The following ARHGEF28 variants were observed in gnomAD, a reference collection of about 807,000 sequenced individuals.
ARHGEF28 encodes 190 kDa guanine nucleotide exchange factor.
ARHGEF28 carries 152 observed loss-of-function variants against 206.6 expected under a neutral mutation model. That is an observed-to-expected ratio of 0.74 (90% confidence interval 0.64 to 0.84). The LOEUF is 0.84. Ranked by LOEUF, ARHGEF28 falls within the 40% of genes least tolerant of loss-of-function variation. The probability of loss-of-function intolerance (pLI) is 0.00; values close to 1 mark genes in which losing one functional copy is unlikely to be tolerated. For missense variants in ARHGEF28, 2,028 were observed against 2,073.2 expected (o/e 0.98, Z 0.42); for synonymous variants, 763 against 776.4 (o/e 0.98, Z 0.29).
intron 1 of ARHGEF28, among the ~76,000 whole-genome samples, chr5:73,669,470 T>C (rs1359189209): frequency 3.3e-5 from 5 of 152,332 alleles, no homozygotes; most frequent in African/African-American, 1.2e-4. Flanking sequence ...TAAAACTATA[T>C]TCAGACTTCT....
chr5:73,841,712 G>GAAAAAAAAAAAAAAAAGAA (rs1757999811), intron 11 of ARHGEF28, among the ~76,000 whole-genome samples: 1 of 110,830 alleles, frequency 9.0e-6, no homozygotes, highest in Non-Finnish European at 1.8e-5. Flanking sequence ...TCAAAAAGAA[G>GAAAAAAAAAAAAAAAAGAA]AAAAAAAAAA....
intron 5 of ARHGEF28, among the ~76,000 whole-genome samples, chr5:73,774,353 A>T (rs1024535366): frequency 3.9e-5 from 6 of 152,346 alleles, no homozygotes; most frequent in Non-Finnish European, 7.3e-5. Flanking sequence ...GATTATGATT[A>T]ATTCAGAATG....
At chr5:73,783,598 G>A (rs1413565723) in intron 7 of ARHGEF28, among the ~76,000 whole-genome samples, 2 of 152,110 alleles carry the variant, frequency 1.3e-5, no homozygotes, top group Admixed American at 6.6e-5. Context: ...TGAAAGCAAC[G>A]CAGAAGAGAA....
intron 1 of ARHGEF28, among the ~76,000 whole-genome samples, chr5:73,679,548 C>T (rs1746933993): frequency 7.4e-6 from 1 of 134,446 alleles, no homozygotes; most frequent in African/African-American, 2.8e-5. Flanking sequence ...GCCTGGGCCA[C>T]AGAGCGAGAC....
At chr5:73,801,133 GA>G (rs112502320) in intron 9 of ARHGEF28, among the ~76,000 whole-genome samples, 15 of 152,320 alleles carry the variant, frequency 9.8e-5, no homozygotes, top group African/African-American at 3.6e-4. Flanking sequence ...CTGTGGAAAA[GA>G]ACGTTTTGAG....
chr5:73,896,447 A>T (rs1761965310), intron 29 of ARHGEF28, among the ~76,000 whole-genome samples: 1 of 152,086 alleles, frequency 6.6e-6, no homozygotes, highest in South Asian at 2.1e-4. Context: ...TCCAAATATG[A>T]TGGAAAGCAC....
In ARHGEF28 at chr5:73,773,781, T is replaced by C; in HGVS notation, c.476-74T>C. 7 of 1,324,596 alleles carry C rather than the reference T, an allele frequency of 5.3e-6. No homozygotes were observed. The South Asian group carries it at 1.1e-4, about 21-fold the overall frequency. 82.1% of individuals were successfully genotyped at this position (1,324,596 alleles called of 1,614,324 possible). On this transcript the variant is annotated intron_variant, in intron 4 of 35. Transcript: ENST00000513042. Reference sequence around the variant, plus strand: ...ATTCTTATTATGTCTAAATACACTGTCCCTTTGATAAAATGTGTAAAACAA... The same window carrying C: ...ATTCTTATTATGTCTAAATACACTGCCCCTTTGATAAAATGTGTAAAACAA...
intron 9 of ARHGEF28, among the ~76,000 whole-genome samples, chr5:73,821,542 T>C (rs1756587234): frequency 6.6e-6 from 1 of 152,186 alleles, no homozygotes; most frequent in African/African-American, 2.4e-5. Context: ...TTCGTAGAGT[T>C]CTTTGTGATG....
chr5:73,903,792 G>A (rs559383929), intron 31 of ARHGEF28: 1 of 173,006 alleles, frequency 5.8e-6, no homozygotes, highest in East Asian at 1.7e-4. Context: ...AGGAGTTAAG[G>A]CCAGACATGA....
chr5:73,739,444 A>G (rs1751224106), intron 2 of ARHGEF28, among the ~76,000 whole-genome samples: 1 of 152,234 alleles, frequency 6.6e-6, no homozygotes, highest in Admixed American at 6.5e-5. Context: ...AACCATTAAT[A>G]CAGAGAATAA....
chr5:73,941,079 T>C lies in ARHGEF28; in HGVS notation c.*66T>C. The stretch of plus-strand genomic sequence containing the variant: ...TTTTGGGAGAAACTTTTTGTCTCCA[T>C]TCCTTATGTATGTGTGATTGTCTGT... On this transcript the variant is annotated 3_prime_UTR_variant, in exon 36 of 36. Transcript: ENST00000513042. 1 of 1,378,286 alleles carries C rather than the reference T, an allele frequency of 7.3e-7. No homozygotes were observed. The highest frequency in any genetic ancestry group is 2.7e-5 in the East Asian group (1 of 37,444). The allele number at this position is 1,378,286 out of a possible 1,614,324, so 85.4% of individuals were successfully genotyped here. A position where few individuals can be genotyped will look rare whatever the true frequency, so the allele number is the denominator to read the frequency against.
chr5:73,855,632 T>C (rs1021139668), intron 14 of ARHGEF28, among the ~76,000 whole-genome samples: 2 of 151,826 alleles, frequency 1.3e-5, no homozygotes, highest in African/African-American at 4.8e-5. Flanking sequence ...CTCAGGAGGC[T>C]GAGGCAGGTG....
chr5:73,705,786 T>C (rs375890136), intron 2 of ARHGEF28, among the ~76,000 whole-genome samples: 1 of 152,156 alleles, frequency 6.6e-6, no homozygotes, highest in African/African-American at 2.4e-5. Flanking sequence ...CCTAGGTGTT[T>C]GAAGGATATG....
intron 1 of ARHGEF28, among the ~76,000 whole-genome samples, chr5:73,626,958 C>T (rs1379864161): frequency 2.6e-5 from 4 of 152,168 alleles, no homozygotes; most frequent in African/African-American, 7.2e-5. Context: ...CCCCAGCCTT[C>T]CCGTGCTTAG....
chr5:73,751,445 C>T (rs540861675), intron 3 of ARHGEF28, among the ~76,000 whole-genome samples: 4 of 152,278 alleles, frequency 2.6e-5, no homozygotes, highest in African/African-American at 9.6e-5. Context: ...ATCTAATTAA[C>T]GGCACATAGT....
In ARHGEF28 at chr5:73,940,939, C is replaced by T; in HGVS notation, c.5044C>T (p.Leu1682=). 1 of 1,534,590 alleles carries T rather than the reference C, an allele frequency of 6.5e-7. No individual in the cohort carries two copies. The highest frequency in any genetic ancestry group is 8.7e-7 in the Non-Finnish European group (1 of 1,146,604). ...QAFITEAKLN[L]PTRTMTRQDG... ...GTTTATAACAGAAGCAAAGCTAAAT[C>T]TACCGACAAGGACAATGACCAGACA... Residue 1682 remains leucine, a synonymous_variant, in exon 36 of 36, where the codon CTA becomes TTA. Coordinates refer to ENST00000513042, the MANE Select transcript of ARHGEF28 (RefSeq NM_001177693.2).
At chr5:73,867,252 C>T (rs781192185) in intron 18 of ARHGEF28, among the ~76,000 whole-genome samples, 3 of 152,150 alleles carry the variant, frequency 2.0e-5, no homozygotes, top group South Asian at 2.1e-4. Context: ...AATATGGGAC[C>T]GAAATGTCTT....
chr5:73,780,721 T>C lies in ARHGEF28; in HGVS notation c.886T>C (p.Ser296Pro). 1 of 1,559,298 alleles carries C rather than the reference T, an allele frequency of 6.4e-7. No homozygotes were observed. The highest frequency in any genetic ancestry group is 2.4e-5 in the East Asian group (1 of 41,616). ...GCCAGAGGAAAGAACAGCTATGCCC[T>C]CCAGCGGTGCAGAAACTGAAGAAGG... ...ARPEERTAMP[S>P]SGAETEEEIK... The change falls in exon 7 of 36, where the codon TCC (serine) becomes CCC (proline). Residue 296 changes from serine to proline, a missense_variant. Ser to Pro is a moderately conservative substitution (Grantham distance 74, BLOSUM62 -1). Coordinates refer to ENST00000513042, the MANE Select transcript of ARHGEF28 (RefSeq NM_001177693.2).
intron 1 of ARHGEF28, among the ~76,000 whole-genome samples, chr5:73,626,535 G>T (rs922685952): frequency 1.5e-4 from 23 of 152,138 alleles, no homozygotes; most frequent in Non-Finnish European, 3.4e-4. Flanking sequence ...AAGTGGAGAG[G>T]GCGGCGCAGC....
Sources: gnomAD v4.1 joint callset for allele counts (sites outside exome capture counted in the v4.1 genomes callset) on GRCh38, gnomAD v4.1.1 for gene constraint, MANE v1.5 for transcripts, NCBI Gene and HGNC (gene_info 2026-07-23, HGNC 2026-07-21) for gene names.